CWC27: variants seen among roughly 807,000 people sequenced by gnomAD.
The protein encoded by CWC27 is CWC27 spliceosome associated cyclophilin.
CWC27 carries 47 observed loss-of-function variants against 63.6 expected under a neutral mutation model. The observed-to-expected ratio is 0.74, with a 90% CI of 0.58 to 0.94. The LOEUF is 0.94. CWC27 is among the 40% of genes least tolerant of loss of function. The pLI is 0.00. For synonymous variants in CWC27, 175 were observed against 179.8 expected, an observed-to-expected ratio of 0.97 and a Z score of 0.22; for missense variants, 495 against 554.3, an observed-to-expected ratio of 0.89 and a Z score of 1.07.
intron 10 of CWC27, among the ~76,000 whole-genome samples, chr5:64,845,857 A>G (rs1258437947): frequency 6.6e-6 from 1 of 152,244 alleles, no homozygotes; most frequent in East Asian, 1.9e-4. Flanking sequence ...CTGGGAATAG[A>G]TGTGAATATC....
At chr5:64,984,349 G>T (rs1035656723) in intron 13 of CWC27, among the ~76,000 whole-genome samples, 2 of 152,098 alleles carry the variant, frequency 1.3e-5, no homozygotes, top group African/African-American at 4.8e-5. Context: ...TTCATAATGG[G>T]CTTTCAAAAA....
At chr5:64,802,342 C>T (rs1262439433) in intron 9 of CWC27, among the ~76,000 whole-genome samples, 1 of 152,076 alleles carries the variant, frequency 6.6e-6, no homozygotes, top group Admixed American at 6.6e-5. Flanking sequence ...AGCAGGCCAG[C>T]GTGAACAGGG....
chr5:64,829,641 C>CTT (rs564183984), intron 10 of CWC27, among the ~76,000 whole-genome samples: 158 of 126,224 alleles, frequency 1.3e-3, no homozygotes, highest in African/African-American at 2.9e-3. Context: ...CTTTTATTCA[C>CTT]TTTTTTTTTT....
intron 8 of CWC27, among the ~76,000 whole-genome samples, chr5:64,800,763 A>C (rs904929568): frequency 6.6e-6 from 1 of 152,154 alleles, no homozygotes; most frequent in Non-Finnish European, 1.5e-5. Context: ...ACATACTTTG[A>C]GGAGTTAACA....
chr5:64,990,433 T>G (rs1182744645), intron 13 of CWC27, among the ~76,000 whole-genome samples: 13 of 107,218 alleles, frequency 1.2e-4, no homozygotes, highest in East Asian at 2.4e-4. Flanking sequence ...CCCGGCTAAT[T>G]TTTTTGTATT....
intron 11 of CWC27, among the ~76,000 whole-genome samples, chr5:64,960,554 T>C (rs575719710): frequency 6.6e-6 from 1 of 152,242 alleles, no homozygotes; most frequent in South Asian, 2.1e-4. Flanking sequence ...AAAATACAAA[T>C]TGACTTTGTA....
At chr5:64,849,839 C>T (rs762641105) in intron 10 of CWC27, among the ~76,000 whole-genome samples, 2 of 152,072 alleles carry the variant, frequency 1.3e-5, no homozygotes, top group Non-Finnish European at 2.9e-5. Flanking sequence ...GAAGAAGGTG[C>T]TTCCTTTTCC....
rs144452258 is a variant in CWC27, at chr5:64,864,771, A to G, written c.939-20672A>G. ...TACATTTTTAGAAAAATTTTAAGTG[A>G]CAAATAATAATTGTGTATACTTATG... is the stretch of plus-strand genomic sequence containing the variant. On this transcript the variant is annotated intron_variant, in intron 10 of 13. Transcript: ENST00000381070. Among the ~76,000 whole-genome samples the G allele has an allele frequency of 7.3e-3, 1,115 of 152,280 alleles. 7 individuals are homozygous for G. The highest frequency in any genetic ancestry group is 0.011 in the Non-Finnish European group (760 of 68,018).
chr5:64,924,602 A>G (rs1403274142), intron 11 of CWC27, among the ~76,000 whole-genome samples: 2 of 152,080 alleles, frequency 1.3e-5, no homozygotes, highest in African/African-American at 4.8e-5. Flanking sequence ...TATCACCCCA[A>G]ATCTAAATGT....
chr5:64,919,208 G>A (rs1747947580), intron 11 of CWC27, among the ~76,000 whole-genome samples: 1 of 152,046 alleles, frequency 6.6e-6, no homozygotes, highest in Non-Finnish European at 1.5e-5. Flanking sequence ...AAATAATTTT[G>A]TTGCTTCGTT....
chr5:64,939,717 G>A (rs1308784829), intron 11 of CWC27, among the ~76,000 whole-genome samples: 1 of 152,190 alleles, frequency 6.6e-6, no homozygotes, highest in Non-Finnish European at 1.5e-5. Flanking sequence ...AGCACCCACA[G>A]CCGCTTTTTC....
At chr5:64,986,035 G>A (rs1749418501) in intron 13 of CWC27, among the ~76,000 whole-genome samples, 1 of 152,088 alleles carries the variant, frequency 6.6e-6, no homozygotes, top group African/African-American at 2.4e-5. Flanking sequence ...TGAGTCTCAG[G>A]AGATCTGATG....
At chr5:64,813,393 CA>C (rs939087333) in intron 10 of CWC27, among the ~76,000 whole-genome samples, 294 of 151,916 alleles carry the variant, frequency 1.9e-3, no homozygotes, top group African/African-American at 6.3e-3. Flanking sequence ...AACAAACAAA[CA>C]AAAAAAATCC....
At chr5:64,830,532 T>C (rs1202491345) in intron 10 of CWC27, among the ~76,000 whole-genome samples, 1 of 152,062 alleles carries the variant, frequency 6.6e-6, no homozygotes, top group Non-Finnish European at 1.5e-5. Context: ...ACTTCATGAC[T>C]AAAACACTGA....
intron 11 of CWC27, among the ~76,000 whole-genome samples, chr5:64,890,441 CTT>C (rs1019355720): frequency 4.6e-5 from 7 of 152,090 alleles, no homozygotes; most frequent in Admixed American, 3.3e-4. Flanking sequence ...CAAAAACCCT[CTT>C]TGAGTGTTAG....
intron 10 of CWC27, among the ~76,000 whole-genome samples, chr5:64,864,357 T>C (rs2112315603): frequency 1.3e-5 from 2 of 152,314 alleles, no homozygotes; most frequent in South Asian, 4.1e-4. Flanking sequence ...CATCTATGCA[T>C]GCCCTGGCTG....
chr5:64,808,804 C>T (rs998443430), intron 10 of CWC27, among the ~76,000 whole-genome samples: 2 of 152,076 alleles, frequency 1.3e-5, no homozygotes, highest in African/African-American at 2.4e-5. Flanking sequence ...CACTCCTAAC[C>T]GCACATTAGG....
intron 10 of CWC27, among the ~76,000 whole-genome samples, chr5:64,814,282 C>G (rs1215121673): frequency 2.6e-5 from 4 of 152,004 alleles, no homozygotes; most frequent in Non-Finnish European, 4.4e-5. Flanking sequence ...AGGTACTGCA[C>G]TGGGGCCCAA....
intron 7 of CWC27, among the ~76,000 whole-genome samples, chr5:64,793,271 G>A (rs1440499929): frequency 6.6e-6 from 1 of 152,022 alleles, no homozygotes; most frequent in Admixed American, 6.6e-5. Flanking sequence ...CATGCGATTG[G>A]ATCTTGGCAC....
Sources: gnomAD v4.1 joint callset for allele counts (sites outside exome capture counted in the v4.1 genomes callset) on GRCh38, gnomAD v4.1.1 for gene constraint, MANE v1.5 for transcripts, NCBI Gene and HGNC (gene_info 2026-07-23, HGNC 2026-07-21) for gene names.